The following ESRRG variants were observed in gnomAD, a reference collection of about 807,000 sequenced individuals.
ESRRG encodes the protein estrogen-related receptor gamma.
A neutral mutation model predicts 44.0 loss-of-function variants in ESRRG; 13 were observed. That is an observed-to-expected ratio of 0.30 (90% confidence interval 0.19 to 0.47). The LOEUF (loss-of-function observed/expected upper bound fraction) is 0.47. Among genes scored for constraint, ESRRG ranks in the 20% least tolerant of loss-of-function variants. The probability of loss-of-function intolerance (pLI) is 1.00; values close to 1 mark genes in which losing one functional copy is unlikely to be tolerated. For synonymous variants in ESRRG, 215 were observed against 214.6 expected (o/e 1.00, Z -0.02); for missense variants, 395 against 580.6 (o/e 0.68, Z 3.29).
intron 1 of ESRRG, among the ~76,000 whole-genome samples, chr1:217,096,892 T>G (rs1011535033): frequency 3.3e-5 from 5 of 152,294 alleles, no homozygotes; most frequent in African/African-American, 1.2e-4. Flanking sequence ...AAGGAGAACA[T>G]TTGCCTGCAT....
chr1:216,742,211 T>C (rs2090836943), intron 2 of ESRRG, among the ~76,000 whole-genome samples: 1 of 152,168 alleles, frequency 6.6e-6, no homozygotes, highest in African/African-American at 2.4e-5. Flanking sequence ...CCCACCATCT[T>C]ATATTTAAAG....
At chr1:217,130,259 G>A (rs113473788) in intron 1 of ESRRG, among the ~76,000 whole-genome samples, 3,350 of 152,224 alleles carry the variant, frequency 0.022, 129 homozygotes, top group African/African-American at 0.076. Flanking sequence ...GAGAGAGGGG[G>A]TCTCACTATG....
intron 1 of ESRRG, among the ~76,000 whole-genome samples, chr1:217,020,105 G>A (rs2080058395): frequency 6.6e-6 from 1 of 152,054 alleles, no homozygotes; most frequent in African/African-American, 2.4e-5. Flanking sequence ...CCTCTTCCCT[G>A]AATCACAAAG....
intron 1 of ESRRG, among the ~76,000 whole-genome samples, chr1:216,997,270 C>A (rs2076483451): frequency 6.6e-6 from 1 of 152,194 alleles, no homozygotes; most frequent in South Asian, 2.1e-4. Flanking sequence ...ATGAGCCCCT[C>A]TTGATAACAC....
Position 216,506,689 on chromosome 1 carries a change from A to G in ESRRG, c.*250T>C, listed in dbSNP as rs1210711348. ...GAAATAAGGGAGGTGAAAGAAGAAAAGGAGAAAAAATAAAGAGAAAGAGAA... is the reference window on the plus strand; with the variant it reads ...GAAATAAGGGAGGTGAAAGAAGAAAGGGAGAAAAAATAAAGAGAAAGAGAA... On this transcript the variant is annotated 3_prime_UTR_variant, in exon 7 of 7. Coordinates refer to ENST00000408911, the MANE Select transcript of ESRRG (RefSeq NM_001438.4). 4 of 583,182 alleles carry G rather than the reference A, an allele frequency of 6.9e-6. No individual in the cohort carries two copies. Among genetic ancestry groups the G allele is most frequent in the South Asian group, 1.7e-5 (1 of 59,274 alleles). The allele number at this position is 583,182 out of a possible 1,614,324, so 36.1% of individuals were successfully genotyped here.
chr1:217,026,673 C>T (rs2081218400), intron 1 of ESRRG, among the ~76,000 whole-genome samples: 1 of 151,994 alleles, frequency 6.6e-6, no homozygotes, highest in African/African-American at 2.4e-5. Flanking sequence ...AGTCACCCCC[C>T]AAAAGTTCAG....
At chr1:216,883,386 G>GAAAA (rs11318094) in intron 2 of ESRRG, among the ~76,000 whole-genome samples, 6 of 75,874 alleles carry the variant, frequency 7.9e-5, no homozygotes, top group African/African-American at 2.2e-4. Flanking sequence ...ACTTCTCTGA[G>GAAAA]AAAAAAAAAA....
chr1:217,001,607 G>C (rs2077041814), intron 1 of ESRRG, among the ~76,000 whole-genome samples: 1 of 152,172 alleles, frequency 6.6e-6, no homozygotes, highest in Admixed American at 6.5e-5. Context: ...ATTTCAAGTA[G>C]AGGAAACAGC....
intron 2 of ESRRG, among the ~76,000 whole-genome samples, chr1:216,910,320 G>T (rs2060164210): frequency 6.6e-6 from 1 of 151,822 alleles, no homozygotes; most frequent in Non-Finnish European, 1.5e-5. Flanking sequence ...ACTAAACCAA[G>T]ATCCTTACAA....
At chr1:217,090,141 C>T (rs1275558434), upstream of ESRRG, among the ~76,000 whole-genome samples, 5 of 151,852 alleles carry the variant, frequency 3.3e-5, no homozygotes, top group East Asian at 3.9e-4. Flanking sequence ...GATTTTTTTC[C>T]CCTTTAAATC....
At chr1:216,550,056 A>G (rs1192301301) in intron 5 of ESRRG, among the ~76,000 whole-genome samples, 3 of 152,106 alleles carry the variant, frequency 2.0e-5, no homozygotes, top group African/African-American at 7.2e-5. Flanking sequence ...TAGAAGTTGA[A>G]AAAAAGCAAT....
intron 3 of ESRRG, among the ~76,000 whole-genome samples, chr1:216,639,000 C>T (rs2065859468): frequency 6.6e-6 from 1 of 152,120 alleles, no homozygotes; most frequent in Non-Finnish European, 1.5e-5. Flanking sequence ...TTGATAATAA[C>T]CTAAGACTGG....
At chr1:216,537,348 A>G (rs1202182195) in intron 5 of ESRRG, among the ~76,000 whole-genome samples, 4 of 152,042 alleles carry the variant, frequency 2.6e-5, no homozygotes. Context: ...AGCCTCTAGA[A>G]CCATAAGAAA....
chr1:216,574,461 T>C (rs2061349853), intron 3 of ESRRG, among the ~76,000 whole-genome samples: 1 of 152,150 alleles, frequency 6.6e-6, no homozygotes, highest in Non-Finnish European at 1.5e-5. Context: ...TGCAAATTTT[T>C]ATAATATTCT....
chr1:216,846,993 G>T (rs914844549), intron 2 of ESRRG, among the ~76,000 whole-genome samples: 1 of 152,158 alleles, frequency 6.6e-6, no homozygotes, highest in Middle Eastern at 3.4e-3. Context: ...AATTCTCAGG[G>T]CTTTGATAAC....
At chr1:216,822,564 A>C (rs1227309039) in intron 2 of ESRRG, among the ~76,000 whole-genome samples, 1 of 151,272 alleles carries the variant, frequency 6.6e-6, no homozygotes, top group Non-Finnish European at 1.5e-5. Context: ...AGGCAAATCC[A>C]TTGGCACACA....
chr1:217,128,537 T>A (rs1185567415), intron 1 of ESRRG, among the ~76,000 whole-genome samples: 1 of 152,170 alleles, frequency 6.6e-6, no homozygotes. Context: ...TTAATGTTAT[T>A]TAAACAGAGG....
At chr1:216,641,692 C>A (rs753784054) in intron 3 of ESRRG, among the ~76,000 whole-genome samples, 2 of 152,242 alleles carry the variant, frequency 1.3e-5, no homozygotes, top group African/African-American at 4.8e-5. Context: ...GACAAAAACA[C>A]AGACCCCTAA....
chr1:216,932,329 G>GA (rs1046213717), intron 2 of ESRRG, among the ~76,000 whole-genome samples: 8 of 150,788 alleles, frequency 5.3e-5, no homozygotes, highest in Admixed American at 6.6e-5. Flanking sequence ...GATTTCAATA[G>GA]AAAAAAAAAT....
Sources: allele counts gnomAD v4.1 joint callset (sites outside exome capture counted in the v4.1 genomes callset), GRCh38; gene constraint gnomAD v4.1.1; transcripts MANE v1.5; gene names NCBI Gene and HGNC (gene_info 2026-07-23, HGNC 2026-07-21).